PRMT5: variants seen among roughly 807,000 people sequenced by gnomAD.
PRMT5 encodes the protein protein arginine N-methyltransferase 5.
In PRMT5, 15 loss-of-function variants were observed where a neutral mutation model predicts 84.0. The observed-to-expected ratio is 0.18, with a 90% CI of 0.12 to 0.28. The LOEUF (loss-of-function observed/expected upper bound fraction) is 0.28, where lower values mean the gene tolerates loss of function less well. PRMT5 is among the 10% of genes least tolerant of loss of function. The pLI is 1.00. For missense variants in PRMT5, 486 were observed against 808.0 expected (o/e 0.60, Z 4.83); for synonymous variants, 276 against 292.4 (o/e 0.94, Z 0.57).
chr14:22,929,170 T>G (rs1223288919), intron 1 of PRMT5, 82 bp downstream of exon 1: 1 of 1,614,084 alleles, frequency 6.2e-7, no homozygotes, highest in Admixed American at 1.7e-5. Context: ...CCCTCACCCC[T>G]GCTTCTCCGG....
At position 22,923,281 on chromosome 14, in the gene PRMT5, G is replaced by A. The variant is rs1343541729; in HGVS notation, c.1376-121C>T. 1.7e-5 allele frequency: 11 copies of A among 658,618 alleles called. No individual in the cohort carries two copies. Among genetic ancestry groups the A allele is most frequent in the African/African-American group, 1.5e-4 (8 of 54,564 alleles). 40.8% of individuals were successfully genotyped at this position (658,618 alleles called of 1,614,324 possible). Reference sequence around the variant, plus strand: ...ACCAACCAACGTTGGCATGGGCATGGAAGAAAGAGACAAATGCATGTTGTC... The same window carrying A: ...ACCAACCAACGTTGGCATGGGCATGAAAGAAAGAGACAAATGCATGTTGTC... On this transcript the variant is annotated intron_variant, in intron 12 of 16. Transcript: ENST00000324366. The surrounding 1 kb of genome is among the most constrained non-coding windows in gnomAD (Gnocchi z 5.2).
chr14:22,928,536 C>T lies in PRMT5; in HGVS notation c.190G>A (p.Gly64Ser). The change falls in exon 2 of 17, where the codon GGT becomes AGT. Residue 64 changes from glycine (G) to serine (S), a missense_variant. This residue lies in a region of PRMT5 where 215 missense variants were observed against 301.1 expected (regional missense o/e 0.71). Coordinates refer to ENST00000324366, the MANE Select transcript of PRMT5 (RefSeq NM_006109.5). This position sits in a 1 kb window ranked among gnomAD's most constrained non-coding sequence, Gnocchi z 4.8. Reference sequence around the variant, plus strand: ...AGTAGGTCTGATCGTGTCTGGGGACCGGGCCGATTCTTAGCAGGTTCCTGA... The same window carrying T: ...AGTAGGTCTGATCGTGTCTGGGGACTGGGCCGATTCTTAGCAGGTTCCTGA... ...FIQEPAKNRP[G>S]PQTRSDLLLS... 1 of 1,613,974 alleles carries T rather than the reference C, an allele frequency of 6.2e-7. No homozygotes were observed. The highest frequency in any genetic ancestry group is 8.5e-7 in the Non-Finnish European group (1 of 1,179,888).
At chr14:22,926,394 A>G (rs1594518561) in intron 6 of PRMT5, 98 bp from the exon 7 acceptor site, 5 of 1,586,094 alleles carry the variant, frequency 3.2e-6, no homozygotes, top group Non-Finnish European at 4.3e-6. Flanking sequence ...AGAGAAAGCC[A>G]GTCTGAGACA....
In PRMT5 at chr14:22,923,040, T is replaced by C; in HGVS notation, c.1485+11A>G. On this transcript the variant is annotated intron_variant, in intron 13 of 16. Transcript: ENST00000324366. This position sits in a 1 kb window ranked among gnomAD's most constrained non-coding sequence, Gnocchi z 5.2. ...GAGTACCACTTCTTTCCAGAGAGAG[T>C]GGTTCTTTACCTCAGGGTCACGGTC... The C allele has an allele frequency of 1.3e-6, 2 of 1,581,852 alleles. No individual in the cohort carries two copies. The highest frequency in any genetic ancestry group is 1.7e-6 in the Non-Finnish European group (2 of 1,153,532).
At chr14:22,925,586 G>A (rs1435171763) in intron 7 of PRMT5, among the ~76,000 whole-genome samples, 15 of 152,016 alleles carry the variant, frequency 9.9e-5, no homozygotes, top group African/African-American at 2.7e-4. Context: ...TTGGAAGGCC[G>A]AGGCGGGTGG....
At chr14:22,929,084 T>C (rs943339483) in intron 1 of PRMT5, 168 bp downstream of exon 1, 3 of 1,550,618 alleles carry the variant, frequency 1.9e-6, no homozygotes, top group South Asian at 1.2e-5. Context: ...CACAAGTTAT[T>C]TTCCTCACGT....
intron 1 of PRMT5, 164 bp downstream of exon 1, chr14:22,929,088 C>T: frequency 3.8e-6 from 6 of 1,559,752 alleles, no homozygotes; most frequent in Non-Finnish European, 5.3e-6. Context: ...AGTTATTTTC[C>T]TCACGTTACT....
intron 6 of PRMT5, 104 bp downstream of exon 6, chr14:22,926,402 A>C: frequency 6.3e-7 from 1 of 1,591,352 alleles, no homozygotes; most frequent in East Asian, 2.2e-5. Context: ...CCAGTCTGAG[A>C]CAGAGGGGAA....
intron 15 of PRMT5, 60 bp from the exon 16 acceptor site, chr14:22,922,300 T>C (rs935171053): frequency 3.4e-6 from 5 of 1,482,720 alleles, no homozygotes; most frequent in Non-Finnish European, 4.7e-6. Context: ...TTGCCTATGC[T>C]GAAGAGGGTC....
intron 7 of PRMT5, among the ~76,000 whole-genome samples, chr14:22,925,734 C>T (rs1035115821): frequency 2.6e-5 from 4 of 151,778 alleles, no homozygotes; most frequent in Non-Finnish European, 4.4e-5. Flanking sequence ...GCAGAAGAAT[C>T]GCTTAAGCCT....
At chr14:22,925,261 A>T (rs930520954) in intron 7 of PRMT5, among the ~76,000 whole-genome samples, 1 of 151,480 alleles carries the variant, frequency 6.6e-6, no homozygotes, top group African/African-American at 2.4e-5. Flanking sequence ...GGTTCAAGCA[A>T]TTCTCCTGCC....
chr14:22,928,277 T>C lies in PRMT5; in HGVS notation c.230-66A>G, dbSNP rs565882811. The C allele has an allele frequency of 7.4e-5, 114 of 1,548,310 alleles. 1 individual carries two copies. The African/African-American group carries it at 1.5e-3, about 20-fold the overall frequency. On this transcript the variant is annotated intron_variant, in intron 2 of 16. Transcript: ENST00000324366. The surrounding 1 kb of genome is among the most constrained non-coding windows in gnomAD (Gnocchi z 4.8). ...TTCAGCACTTTACTTGTTCAATTTT[T>C]AGTTTTGGGAATCAAGAGTAGAAAT... is the stretch of plus-strand genomic sequence containing the variant.
intron 15 of PRMT5, 85 bp downstream of exon 15, chr14:22,922,358 C>G (rs1658777248): frequency 7.1e-7 from 1 of 1,411,920 alleles, no homozygotes; most frequent in South Asian, 1.2e-5. Context: ...ACTGGGCCCC[C>G]CATAAATCTA....
Position 22,928,466 on chromosome 14 carries a change from A to AG in PRMT5, c.229+30_229+31insC. ...AAAGCAGAAGTTGTTATTGCCTCTA[A>AG]TAATTAAGGGGCATATGGGATGGTC... On this transcript the variant is annotated intron_variant, in intron 2 of 16. Transcript: ENST00000324366. The surrounding 1 kb of genome is among the most constrained non-coding windows in gnomAD (Gnocchi z 4.8). 1 of 1,531,920 alleles carries AG rather than the reference A, an allele frequency of 6.5e-7. No individual in the cohort carries two copies. Among genetic ancestry groups the AG allele is most frequent in the Non-Finnish European group, 9.0e-7 (1 of 1,105,674 alleles). The allele number at this position is 1,531,920 out of a possible 1,614,324, so 94.9% of individuals were successfully genotyped here.
chr14:22,927,050 A>T, intron 4 of PRMT5: 1 of 521,968 alleles, frequency 1.9e-6, no homozygotes. Context: ...CTCTCTTCAT[A>T]CCACTTTTAG....
In PRMT5 at chr14:22,928,633, C is replaced by G; in HGVS notation, c.111-18G>C. ...AATCAAACCTACAACCGCGACAGAC[C>G]CAGAATCATGTAAAGACAGCAGCAG... On this transcript the variant is annotated intron_variant, in intron 1 of 16. Coordinates refer to ENST00000324366, the MANE Select transcript of PRMT5 (RefSeq NM_006109.5). This position sits in a 1 kb window ranked among gnomAD's most constrained non-coding sequence, Gnocchi z 4.8. 2 of 1,567,578 alleles carry G rather than the reference C, an allele frequency of 1.3e-6. No individual in the cohort carries two copies. The highest frequency in any genetic ancestry group is 1.8e-6 in the Non-Finnish European group (2 of 1,137,786).
In PRMT5 at chr14:22,924,552, G is replaced by A. The variant is rs1594515159; in HGVS notation, c.1018-15C>T. On this transcript the variant is annotated splice_polypyrimidine_tract_variant and intron_variant, in intron 9 of 16. Coordinates refer to ENST00000324366, the MANE Select transcript of PRMT5 (RefSeq NM_006109.5). This position sits in a 1 kb window ranked among gnomAD's most constrained non-coding sequence, Gnocchi z 6.5. ...TTATAGATGGCCTGGAGGGAGGAGA[G>A]AATATCCCATGGTTGTAATCCCATC... 1 of 1,613,786 alleles carries A rather than the reference G, an allele frequency of 6.2e-7. No homozygotes were observed. Among genetic ancestry groups the A allele is most frequent in the Non-Finnish European group, 8.5e-7 (1 of 1,179,674 alleles).
chr14:22,927,084 C>CTTTTT (rs34007516), intron 4 of PRMT5, among the ~76,000 whole-genome samples: 1 of 132,510 alleles, frequency 7.5e-6, no homozygotes, highest in Non-Finnish European at 1.6e-5. Flanking sequence ...CAATACTGAC[C>CTTTTT]TTTTTTTTTT....
intron 7 of PRMT5, 61 bp downstream of exon 7, chr14:22,926,072 A>G: frequency 6.7e-7 from 1 of 1,482,668 alleles, no homozygotes; most frequent in East Asian, 2.3e-5. Flanking sequence ...AAACGATCAT[A>G]CACAGGTAAA....
Sources: allele counts gnomAD v4.1 joint callset (sites outside exome capture counted in the v4.1 genomes callset), GRCh38; gene constraint gnomAD v4.1.1; regional missense constraint gnomAD v4.1.1; non-coding constraint Gnocchi (gnomAD v3.1); transcripts MANE v1.5; gene names NCBI Gene and HGNC (gene_info 2026-07-23, HGNC 2026-07-21).